Variants in MOB3B observed in about 807,000 individuals in gnomAD.
MOB3B encodes MOB kinase activator-like 2B.
Under a neutral mutation model 18.7 loss-of-function variants are expected in MOB3B, and 7 were observed. The ratio of observed to expected loss-of-function variants is 0.37; its 90% CI spans 0.21 to 0.70. The LOEUF is 0.70. MOB3B is among the 30% of genes least tolerant of loss of function. MOB3B has a pLI of 0.52. For missense variants in MOB3B, 253 were observed against 281.3 expected (o/e 0.90, Z 0.72); for synonymous variants, 111 against 99.9 (o/e 1.11, Z -0.66).
chr9:27,524,368 G>A (rs200589377), intron 1 of MOB3B: 570 of 1,613,568 alleles, frequency 3.5e-4, no homozygotes, highest in Non-Finnish European at 1.4e-4. Flanking sequence ...ATTCAAAAGT[G>A]TTTGTGGCTT....
At chr9:27,460,519 A>G (rs574958201) in intron 1 of MOB3B, among the ~76,000 whole-genome samples, 122 of 152,308 alleles carry the variant, frequency 8.0e-4, no homozygotes, top group African/African-American at 2.9e-3. Context: ...TGCCAGGGAT[A>G]AGGAAGAAAT....
At chr9:27,335,627 G>A (rs1211069948) in intron 3 of MOB3B, among the ~76,000 whole-genome samples, 3 of 152,116 alleles carry the variant, frequency 2.0e-5, no homozygotes, top group East Asian at 1.9e-4. Flanking sequence ...ATCGGTGGCC[G>A]ACGCTCCTTC....
intron 2 of MOB3B, among the ~76,000 whole-genome samples, chr9:27,372,632 C>A (rs1424782117): frequency 1.3e-5 from 2 of 152,186 alleles, no homozygotes; most frequent in Non-Finnish European, 2.9e-5. Context: ...TCTCCCTCCC[C>A]ATAACCCATA....
intron 3 of MOB3B, among the ~76,000 whole-genome samples, chr9:27,333,298 C>G (rs1213125402): frequency 6.6e-6 from 1 of 151,850 alleles, no homozygotes; most frequent in African/African-American, 2.4e-5. Context: ...CAAAGCTCTG[C>G]AAGACTCTGC....
At chr9:27,348,472 G>C (rs1821061212) in intron 3 of MOB3B, among the ~76,000 whole-genome samples, 1 of 151,946 alleles carries the variant, frequency 6.6e-6, no homozygotes, top group Non-Finnish European at 1.5e-5. Flanking sequence ...GGCCAACATG[G>C]TGAAACCCCA....
chr9:27,403,386 C>T (rs960800522), intron 2 of MOB3B, among the ~76,000 whole-genome samples: 4 of 152,018 alleles, frequency 2.6e-5, no homozygotes, highest in Admixed American at 1.3e-4. Flanking sequence ...ATTATTTAAG[C>T]TTCAGGAACC....
intron 1 of MOB3B, among the ~76,000 whole-genome samples, chr9:27,522,156 C>T (rs776454384): frequency 7.0e-6 from 1 of 142,368 alleles, no homozygotes. Flanking sequence ...GCAGGAGAAT[C>T]GCTTGAACCC....
intron 3 of MOB3B, among the ~76,000 whole-genome samples, chr9:27,344,189 G>A (rs1820998325): frequency 6.6e-6 from 1 of 152,094 alleles, no homozygotes; most frequent in Non-Finnish European, 1.5e-5. Flanking sequence ...GGCCATTAGT[G>A]AAACGAAACA....
intron 2 of MOB3B, 139 bp downstream of exon 2, chr9:27,454,994 C>G (rs1257788641): frequency 1.9e-5 from 17 of 898,544 alleles, no homozygotes; most frequent in Non-Finnish European, 2.8e-5. Flanking sequence ...CAATGAGGCT[C>G]TTATATATCA....
chr9:27,402,150 A>G (rs535263238), intron 2 of MOB3B, among the ~76,000 whole-genome samples: 4 of 152,256 alleles, frequency 2.6e-5, no homozygotes, highest in Non-Finnish European at 5.9e-5. Context: ...TAACACTTAT[A>G]AAGCACATAT....
intron 1 of MOB3B, among the ~76,000 whole-genome samples, chr9:27,478,810 GACACACAC>G (rs34976107): frequency 0.031 from 4,326 of 141,392 alleles, 86 homozygotes; most frequent in Non-Finnish European, 0.04. Context: ...GGATTAAAAA[GACACACAC>G]ACACACACAC....
At chr9:27,520,114 G>A (rs1820301394) in intron 1 of MOB3B, among the ~76,000 whole-genome samples, 1 of 152,160 alleles carries the variant, frequency 6.6e-6, no homozygotes, top group African/African-American at 2.4e-5. Context: ...TTCGAAACTT[G>A]TCTTTTCATG....
intron 2 of MOB3B, among the ~76,000 whole-genome samples, chr9:27,428,306 C>T (rs913145461): frequency 6.6e-6 from 1 of 152,112 alleles, no homozygotes; most frequent in African/African-American, 2.4e-5. Flanking sequence ...GAATTTGTTT[C>T]AGCAATATGA....
At chr9:27,429,262 G>A (rs1461123259) in intron 2 of MOB3B, among the ~76,000 whole-genome samples, 3 of 152,120 alleles carry the variant, frequency 2.0e-5, no homozygotes, top group Non-Finnish European at 2.9e-5. Context: ...CACTTGGAAA[G>A]CCCAATGAAA....
chr9:27,396,510 C>T (rs182456038), intron 2 of MOB3B, among the ~76,000 whole-genome samples: 29 of 152,306 alleles, frequency 1.9e-4, no homozygotes, highest in African/African-American at 5.8e-4. Flanking sequence ...CTGTTGCTTG[C>T]AACCAAGGAG....
At chr9:27,524,145 C>T (rs951249832) in intron 1 of MOB3B, among the ~76,000 whole-genome samples, 1 of 88,658 alleles carries the variant, frequency 1.1e-5, no homozygotes, top group Non-Finnish European at 2.2e-5. Context: ...CATAGTCACC[C>T]GAAGTAAAAA....
chr9:27,374,788 G>T (rs1190613092), intron 2 of MOB3B, among the ~76,000 whole-genome samples: 1 of 152,234 alleles, frequency 6.6e-6, no homozygotes, highest in Non-Finnish European at 1.5e-5. Flanking sequence ...CAACTGGACT[G>T]AGATTCCCAC....
intron 2 of MOB3B, among the ~76,000 whole-genome samples, chr9:27,386,398 A>T (rs1481803442): frequency 6.6e-6 from 1 of 152,240 alleles, no homozygotes; most frequent in African/African-American, 2.4e-5. Flanking sequence ...GCAACAACCC[A>T]TTTGACAGTC....
At chr9:27,501,550 T>C (rs900172720) in intron 1 of MOB3B, among the ~76,000 whole-genome samples, 1 of 140,572 alleles carries the variant, frequency 7.1e-6, no homozygotes, top group Non-Finnish European at 1.5e-5. Context: ...AACTGAACAA[T>C]GAAAACACTT....
Sources: gnomAD v4.1 joint callset for allele counts (sites outside exome capture counted in the v4.1 genomes callset) on GRCh38, gnomAD v4.1.1 for gene constraint, MANE v1.5 for transcripts, NCBI Gene and HGNC (gene_info 2026-07-23, HGNC 2026-07-21) for gene names.